Variants in LRRC4C observed in about 807,000 individuals in gnomAD.
The protein encoded by LRRC4C is leucine-rich repeat-containing protein 4C.
LRRC4C carries 5 observed loss-of-function variants against 33.6 expected under a neutral mutation model. The ratio of observed to expected loss-of-function variants is 0.15; its 90% CI spans 0.08 to 0.31. LRRC4C has a LOEUF of 0.31. LRRC4C is among the 10% of genes least tolerant of loss of function. The pLI, the probability that LRRC4C is intolerant of heterozygous loss-of-function variation, is 1.00. For missense variants in LRRC4C, 560 were observed against 796.7 expected, an observed-to-expected ratio of 0.70 and a Z score of 3.58; for synonymous variants, 329 against 302.0, an observed-to-expected ratio of 1.09 and a Z score of -0.93.
intron 2 of LRRC4C, among the ~76,000 whole-genome samples, chr11:40,752,182 C>T (rs868600663): frequency 2.6e-5 from 4 of 151,946 alleles, no homozygotes; most frequent in African/African-American, 7.2e-5. Flanking sequence ...CACTTCAAGA[C>T]GTTGGTTTAG....
intron 5 of LRRC4C, among the ~76,000 whole-genome samples, chr11:40,200,179 CTAAA>C (rs1211162800): frequency 1.8e-5 from 1 of 55,562 alleles, no homozygotes; most frequent in South Asian, 7.3e-4. Context: ...CCTGTCTCCA[CTAAA>C]AAAAAAAAAA....
chr11:41,074,660 C>T (rs1240014645), intron 1 of LRRC4C, among the ~76,000 whole-genome samples: 1 of 152,092 alleles, frequency 6.6e-6, no homozygotes, highest in Non-Finnish European at 1.5e-5. Flanking sequence ...GGGAAATAGG[C>T]CATTTTAAGT....
intron 3 of LRRC4C, among the ~76,000 whole-genome samples, chr11:40,586,609 T>G (rs1234745491): frequency 6.7e-6 from 1 of 149,376 alleles, no homozygotes; most frequent in Admixed American, 6.7e-5. Context: ...TGGTTTTAGG[T>G]CTAACATTTA....
intron 1 of LRRC4C, among the ~76,000 whole-genome samples, chr11:41,035,694 A>G (rs973484591): frequency 6.6e-6 from 1 of 152,206 alleles, no homozygotes; most frequent in African/African-American, 2.4e-5. Flanking sequence ...AGAATTGGGA[A>G]TAATACATTT....
At chr11:40,687,318 A>G (rs929569934) in intron 2 of LRRC4C, among the ~76,000 whole-genome samples, 5 of 152,062 alleles carry the variant, frequency 3.3e-5, no homozygotes, top group South Asian at 2.1e-4. Flanking sequence ...AAGTCCAAAT[A>G]AAAATATCAA....
chr11:40,122,373 GCA>G (rs1855888951), intron 6 of LRRC4C, among the ~76,000 whole-genome samples: 2 of 151,966 alleles, frequency 1.3e-5, no homozygotes, highest in Admixed American at 1.3e-4. Flanking sequence ...ATTAAGCCCC[GCA>G]TGCATTAGCT....
At position 40,914,154 on chromosome 11, in the gene LRRC4C, T is replaced by C. The variant is rs561304626; in HGVS notation, c.-407+19481A>G. 2.0e-5 allele frequency among the ~76,000 whole-genome samples: 3 copies of C among 152,292 alleles called. No homozygotes were observed. The South Asian group carries it at 6.2e-4, about 32-fold the overall frequency. ...TTGGTACCATTCCTTCTGATACTATTTCAATCAATAGAAAAAGAGGGAATC... is the reference window on the plus strand; with the variant it reads ...TTGGTACCATTCCTTCTGATACTATCTCAATCAATAGAAAAAGAGGGAATC... On this transcript the variant is annotated intron_variant, in intron 2 of 6. Coordinates refer to ENST00000528697, the MANE Select transcript of LRRC4C (RefSeq NM_001258419.2).
At chr11:40,983,226 G>A (rs1217473372) in intron 1 of LRRC4C, among the ~76,000 whole-genome samples, 3 of 152,044 alleles carry the variant, frequency 2.0e-5, no homozygotes, top group Admixed American at 6.6e-5. Flanking sequence ...CTGTCCTTAG[G>A]TCTTTGAAGA....
At chr11:41,067,815 T>C (rs1938367853) in intron 1 of LRRC4C, among the ~76,000 whole-genome samples, 1 of 152,000 alleles carries the variant, frequency 6.6e-6, no homozygotes, top group African/African-American at 2.4e-5. Flanking sequence ...TGGGGGTAAA[T>C]AAGGAAATTA....
chr11:40,271,927 T>C (rs1942733255), intron 4 of LRRC4C, among the ~76,000 whole-genome samples: 2 of 152,200 alleles, frequency 1.3e-5, no homozygotes, highest in South Asian at 2.1e-4. Context: ...CATTCAGTTA[T>C]TAATATAATT....
intron 1 of LRRC4C, among the ~76,000 whole-genome samples, chr11:41,192,791 G>T (rs1030303320): frequency 2.6e-5 from 4 of 152,078 alleles, no homozygotes; most frequent in African/African-American, 9.7e-5. Context: ...GGGAATTTAT[G>T]GCAGCAAAGG....
intron 1 of LRRC4C, among the ~76,000 whole-genome samples, chr11:41,061,028 T>C (rs1178895454): frequency 6.7e-6 from 1 of 149,754 alleles, no homozygotes; most frequent in Non-Finnish European, 1.5e-5. Flanking sequence ...CCAAATCAAC[T>C]CAAATATCCC....
chr11:40,286,610 C>A (rs773985301), intron 4 of LRRC4C, among the ~76,000 whole-genome samples: 3 of 152,144 alleles, frequency 2.0e-5, no homozygotes, highest in Non-Finnish European at 4.4e-5. Context: ...AATGTTAAAT[C>A]TTCCCATTTC....
At chr11:40,777,932 C>T (rs1161932093) in intron 2 of LRRC4C, among the ~76,000 whole-genome samples, 3 of 152,104 alleles carry the variant, frequency 2.0e-5, no homozygotes, top group Non-Finnish European at 2.9e-5. Context: ...TCGTGATCCA[C>T]CCGCCTCGGC....
chr11:40,132,114 C>T (rs944083124), intron 6 of LRRC4C, among the ~76,000 whole-genome samples: 6 of 152,128 alleles, frequency 3.9e-5, no homozygotes, highest in African/African-American at 1.4e-4. Context: ...AGTTTAAGTT[C>T]CATACAAAAT....
intron 3 of LRRC4C, among the ~76,000 whole-genome samples, chr11:40,528,272 T>C (rs188979958): frequency 1.0e-3 from 155 of 152,310 alleles, no homozygotes; most frequent in African/African-American, 3.4e-3. Context: ...ATTTGCAAAC[T>C]ATATATTGAT....
At chr11:40,887,977 A>G (rs1405433775) in intron 2 of LRRC4C, among the ~76,000 whole-genome samples, 2 of 151,878 alleles carry the variant, frequency 1.3e-5, no homozygotes, top group Non-Finnish European at 2.9e-5. Flanking sequence ...TTTGGTTATT[A>G]TTTTAAAAAA....
At chr11:41,330,518 A>G (rs972992901) in intron 1 of LRRC4C, among the ~76,000 whole-genome samples, 3 of 151,920 alleles carry the variant, frequency 2.0e-5, no homozygotes, top group Non-Finnish European at 2.9e-5. Flanking sequence ...GTCCTCATTT[A>G]CCTCCTTCAC....
chr11:40,807,528 A>C (rs1430987438), intron 2 of LRRC4C, among the ~76,000 whole-genome samples: 1 of 152,216 alleles, frequency 6.6e-6, no homozygotes, highest in East Asian at 1.9e-4. Context: ...TATATTGTCA[A>C]ACTCTTTCTG....
Sources: gnomAD v4.1 joint callset for allele counts (sites outside exome capture counted in the v4.1 genomes callset) on GRCh38, gnomAD v4.1.1 for gene constraint, MANE v1.5 for transcripts, NCBI Gene and HGNC (gene_info 2026-07-23, HGNC 2026-07-21) for gene names.